Variants in PHKB observed in about 807,000 individuals in gnomAD.
The protein encoded by PHKB is phosphorylase kinase regulatory subunit beta.
Under a neutral mutation model 152.1 loss-of-function variants are expected in PHKB, and 122 were observed. The observed-to-expected ratio is 0.80, with a 90% CI of 0.69 to 0.93. The LOEUF is 0.93. Among genes scored for constraint, PHKB ranks in the 40% least tolerant of loss-of-function variants. The pLI, the probability that PHKB is intolerant of heterozygous loss-of-function variation, is 0.00. For missense variants in PHKB, 1,304 were observed against 1,328.4 expected, an observed-to-expected ratio of 0.98 and a Z score of 0.29; for synonymous variants, 436 against 464.9, an observed-to-expected ratio of 0.94 and a Z score of 0.80.
intron 7 of PHKB, among the ~76,000 whole-genome samples, chr16:47,579,800 G>A (rs1971811824): frequency 6.6e-6 from 1 of 152,058 alleles, no homozygotes; most frequent in East Asian, 1.9e-4. Context: ...ATAAAATAAT[G>A]CCTATTTTTT....
At chr16:47,504,961 G>A (rs796573745) in intron 4 of PHKB, among the ~76,000 whole-genome samples, 1 of 152,322 alleles carries the variant, frequency 6.6e-6, no homozygotes. Context: ...GGGCAAAGCT[G>A]GAGGAAACTA....
intron 26 of PHKB, among the ~76,000 whole-genome samples, chr16:47,672,057 ACTTT>A (rs1973647692): frequency 6.6e-6 from 1 of 152,126 alleles, no homozygotes; most frequent in African/African-American, 2.4e-5. Context: ...GGAGATTTCT[ACTTT>A]CTAAGTTACA....
intron 14 of PHKB, among the ~76,000 whole-genome samples, chr16:47,620,936 C>G (rs1972607304): frequency 6.6e-6 from 1 of 151,904 alleles, no homozygotes; most frequent in Non-Finnish European, 1.5e-5. Flanking sequence ...TATAATCTAG[C>G]AAGAAGTTTA....
intron 18 of PHKB, 34 bp downstream of exon 18, chr16:47,649,238 G>T (rs1016867819): frequency 8.9e-6 from 10 of 1,129,228 alleles, no homozygotes; most frequent in Non-Finnish European, 1.4e-5. Flanking sequence ...AAAATGGAAT[G>T]AGTTTGTTTC....
intron 6 of PHKB, among the ~76,000 whole-genome samples, chr16:47,538,664 T>C (rs1239468959): frequency 6.6e-6 from 1 of 152,212 alleles, no homozygotes; most frequent in Non-Finnish European, 1.5e-5. Flanking sequence ...GGTAGACTTA[T>C]CCCTGATCAA....
At chr16:47,565,745 A>T in intron 7 of PHKB, 1 of 1,498,850 alleles carries the variant, frequency 6.7e-7, no homozygotes, top group Non-Finnish European at 9.2e-7. Context: ...CATCCAGCTG[A>T]TGCTGCAACT....
chr16:47,620,665 G>A (rs1324046007), intron 14 of PHKB, among the ~76,000 whole-genome samples: 1 of 152,160 alleles, frequency 6.6e-6, no homozygotes, highest in African/African-American at 2.4e-5. Context: ...CACGAGGTCA[G>A]GAGTTCAAGA....
chr16:47,621,274 G>T (rs1972612627), intron 14 of PHKB, among the ~76,000 whole-genome samples: 1 of 152,166 alleles, frequency 6.6e-6, no homozygotes. Context: ...AGTTAAAAAG[G>T]AATTATATGG....
rs764969440 is a variant in PHKB, at chr16:47,503,086, A to G, written c.401A>G (p.Asp134Gly). Residue 134 changes from aspartate to glycine, a missense_variant, in exon 4 of 31, where the codon GAT becomes GGT. Physicochemically the swap from Asp to Gly is moderately conservative, Grantham distance 94. Transcript: ENST00000323584. ...CTCTACTGCTATATGCGTCAGGCCG[A>G]TAAGGTAAAACATTGTGGTGTGGAC... ...GILYCYMRQA[D>G]KVQQFKQDPR... 1.9e-6 allele frequency: 3 copies of G among 1,587,784 alleles called. No homozygotes were observed. The Admixed American group carries it at 5.0e-5, about 26-fold the overall frequency.
intron 7 of PHKB, among the ~76,000 whole-genome samples, chr16:47,576,000 C>T (rs889486680): frequency 2.6e-5 from 4 of 152,128 alleles, no homozygotes; most frequent in Middle Eastern, 3.4e-3. Context: ...CACTTGAACC[C>T]GGGAGGCGGA....
intron 7 of PHKB, among the ~76,000 whole-genome samples, chr16:47,567,061 T>A (rs1467224852): frequency 6.6e-6 from 1 of 152,214 alleles, no homozygotes; most frequent in African/African-American, 2.4e-5. Flanking sequence ...TTTGGATTAC[T>A]TTGACTATTC....
chr16:47,676,460 T>C (rs1973733844), intron 26 of PHKB: 1 of 152,212 alleles, frequency 6.6e-6, no homozygotes, highest in Non-Finnish European at 1.5e-5. Context: ...CTAGACTGAA[T>C]GGCCATAAGA....
At chr16:47,614,134 A>T (rs1972475666) in intron 14 of PHKB, among the ~76,000 whole-genome samples, 2 of 152,206 alleles carry the variant, frequency 1.3e-5, no homozygotes, top group South Asian at 2.1e-4. Context: ...GGTTTTCCTC[A>T]TGGAGGAAGG....
chr16:47,698,512 A>G lies in PHKB; in HGVS notation c.3068A>G (p.Asp1023Gly), dbSNP rs1222729478. ...GAGCTAGAATTTCAAGACAAAGTAGATCTAGACAGACTGGTCAAAGAAGCA... is the reference window on the plus strand; with the variant it reads ...GAGCTAGAATTTCAAGACAAAGTAGGTCTAGACAGACTGGTCAAAGAAGCA... ...NPELEFQDKV[D>G]LDRLVKEAFN... The change falls in exon 30 of 31, where the codon GAT (aspartate) becomes GGT (glycine). Residue 1023 changes from aspartate (D) to glycine (G), a missense_variant. Transcript: ENST00000323584. 6.2e-7 allele frequency: 1 copy of G among 1,610,748 alleles called. No homozygotes were observed. Among genetic ancestry groups the G allele is most frequent in the African/African-American group, 1.3e-5 (1 of 74,938 alleles).
chr16:47,566,852 G>A (rs1442984163), intron 7 of PHKB: 5 of 713,804 alleles, frequency 7.0e-6, no homozygotes, highest in African/African-American at 7.0e-5. Flanking sequence ...CTGTTAGGGA[G>A]AGAGTCTTCC....
At chr16:47,554,732 G>C (rs536958621) in intron 7 of PHKB, among the ~76,000 whole-genome samples, 11 of 152,208 alleles carry the variant, frequency 7.2e-5, no homozygotes, top group African/African-American at 2.6e-4. Context: ...ATCGTTCCTC[G>C]CAGCATAGTC....
chr16:47,476,063 TCTTGCTATGTTGCCC>T (rs1246565520), intron 1 of PHKB, among the ~76,000 whole-genome samples: 1 of 152,058 alleles, frequency 6.6e-6, no homozygotes. Flanking sequence ...AGGGACAGGA[TCTTGCTATGTTGCCC>T]AAGCTGGTCT....
At chr16:47,507,581 C>G (rs1290619997) in intron 4 of PHKB, among the ~76,000 whole-genome samples, 2 of 151,884 alleles carry the variant, frequency 1.3e-5, no homozygotes, top group Non-Finnish European at 2.9e-5. Flanking sequence ...TGGTCTCAAA[C>G]TCCTGGGCTC....
At chr16:47,589,173 T>G (rs753227224) in intron 10 of PHKB, 71 bp downstream of exon 10, 95 of 1,144,888 alleles carry the variant, frequency 8.3e-5, no homozygotes, top group Non-Finnish European at 1.2e-4. Context: ...GACTGACCAT[T>G]GGGTTTGAAT....
Sources: allele counts gnomAD v4.1 joint callset (sites outside exome capture counted in the v4.1 genomes callset), GRCh38; gene constraint gnomAD v4.1.1; transcripts MANE v1.5; gene names NCBI Gene and HGNC (gene_info 2026-07-23, HGNC 2026-07-21).